Variants in PLCG2 observed in about 807,000 individuals in gnomAD.
PLCG2 encodes 1-phosphatidylinositol 4,5-bisphosphate phosphodiesterase gamma-2.
PLCG2 carries 69 observed loss-of-function variants against 175.6 expected under a neutral mutation model. That is an observed-to-expected ratio of 0.39 (90% CI 0.32 to 0.48). The LOEUF (loss-of-function observed/expected upper bound fraction) is 0.48. PLCG2 is among the 20% of genes least tolerant of loss of function. PLCG2 has a pLI of 0.91. For missense variants in PLCG2, 1,798 were observed against 1,650.9 expected (o/e 1.09, Z -1.54); for synonymous variants, 827 against 624.0 (o/e 1.33, Z -4.85).
chr16:81,925,539 G>A (rs536916790), intron 22 of PLCG2, among the ~76,000 whole-genome samples: 1 of 152,220 alleles, frequency 6.6e-6, no homozygotes, highest in South Asian at 2.1e-4. Flanking sequence ...TGCTTATTCA[G>A]ACCAAAAAAT....
intron 3 of PLCG2, among the ~76,000 whole-genome samples, chr16:81,856,315 A>G (rs1597357113): frequency 6.6e-6 from 1 of 152,186 alleles, no homozygotes. Context: ...TTCATTTTAC[A>G]GGTGAGATGA....
At chr16:81,771,513 C>T (rs1910280962) in intron 2 of PLCG2, among the ~76,000 whole-genome samples, 1 of 152,196 alleles carries the variant, frequency 6.6e-6, no homozygotes, top group Non-Finnish European at 1.5e-5. Context: ...GTCTTCGCAG[C>T]TCCATGAGGC....
In PLCG2 at chr16:81,803,966, C is replaced by T. The variant is rs578027832; in HGVS notation, c.193+17784C>T. ...AGAGTGCTGGGATTACAGGTATGAG[C>T]CACCGTGCCTGGACTCTTTTTGGTT... On this transcript the variant is annotated intron_variant, in intron 2 of 32. Coordinates refer to ENST00000564138, the MANE Select transcript of PLCG2 (RefSeq NM_002661.5). 3.3e-5 allele frequency among the ~76,000 whole-genome samples: 5 copies of T among 152,296 alleles called. No individual in the cohort carries two copies. The South Asian group carries it at 8.3e-4, about 25-fold the overall frequency.
At chr16:81,784,980 A>G (rs565847801) in intron 1 of PLCG2, among the ~76,000 whole-genome samples, 8 of 152,296 alleles carry the variant, frequency 5.3e-5, no homozygotes, top group African/African-American at 1.4e-4. Flanking sequence ...GAGGAGTGAC[A>G]TGATTTGATT....
intron 26 of PLCG2, 74 bp from the exon 27 acceptor site, chr16:81,936,095 G>C: frequency 6.4e-7 from 1 of 1,574,544 alleles, no homozygotes; most frequent in South Asian, 1.2e-5. Flanking sequence ...TGAGCATCCA[G>C]CCATTGCAGC....
At chr16:81,808,257 A>G (rs546394885) in intron 2 of PLCG2, among the ~76,000 whole-genome samples, 2 of 152,126 alleles carry the variant, frequency 1.3e-5, no homozygotes, top group African/African-American at 2.4e-5. Flanking sequence ...ACGGGGCTAC[A>G]CTGTTTTGCA....
intron 2 of PLCG2, among the ~76,000 whole-genome samples, chr16:81,828,678 A>G (rs1415987666): frequency 2.0e-5 from 3 of 152,156 alleles, no homozygotes; most frequent in African/African-American, 7.2e-5. Flanking sequence ...AGCAAGTTAT[A>G]AAAGTCGTCT....
chr16:81,852,399 C>G lies in PLCG2; in HGVS notation c.194-2045C>G, dbSNP rs150241748. Among the ~76,000 whole-genome samples the G allele has an allele frequency of 7.4e-4, 113 of 152,168 alleles. 1 individual carries two copies. The Middle Eastern group carries it at 0.024, about 32-fold the overall frequency. On this transcript the variant is annotated intron_variant, in intron 2 of 32. Coordinates refer to ENST00000564138, the MANE Select transcript of PLCG2 (RefSeq NM_002661.5). ...GGTGGTGGGGGTGAATCAGCTCTAT[C>G]TAAAGCACATGGAATGGGTGCATCC... is the stretch of plus-strand genomic sequence containing the variant.
intron 1 of PLCG2, among the ~76,000 whole-genome samples, chr16:81,745,348 T>C (rs1014935860): frequency 6.6e-6 from 1 of 152,230 alleles, no homozygotes; most frequent in Non-Finnish European, 1.5e-5. Context: ...TTCTGTAAGT[T>C]GCAATATCCC....
intron 2 of PLCG2, among the ~76,000 whole-genome samples, chr16:81,764,489 A>G: frequency 6.6e-6 from 1 of 152,190 alleles, no homozygotes; most frequent in African/African-American, 2.4e-5. Flanking sequence ...GCATCTGAAT[A>G]GATTCACTCT....
intron 22 of PLCG2, among the ~76,000 whole-genome samples, chr16:81,925,583 C>G (rs1296414766): frequency 1.3e-5 from 2 of 152,184 alleles, no homozygotes; most frequent in African/African-American, 4.8e-5. Flanking sequence ...GGAGCACAGA[C>G]TTGATTAAGA....
Position 81,839,779 on chromosome 16 carries a change from G to A in PLCG2, c.194-14665G>A, listed in dbSNP as rs56357446. Among the ~76,000 whole-genome samples, 1,201 of 152,316 alleles carry A rather than the reference G, an allele frequency of 7.9e-3. 20 individuals carry two copies. The highest frequency in any genetic ancestry group is 0.026 in the African/African-American group (1,065 of 41,566). On this transcript the variant is annotated intron_variant, in intron 2 of 32. Transcript: ENST00000564138. Reference sequence around the variant, plus strand: ...AATGATGAACATTTAGGCTGGGCATGGTGGCTCATGCCTGTAATCCCAACA... The same window carrying A: ...AATGATGAACATTTAGGCTGGGCATAGTGGCTCATGCCTGTAATCCCAACA...
intron 31 of PLCG2, among the ~76,000 whole-genome samples, chr16:81,951,261 G>T (rs1216562700): frequency 1.3e-5 from 2 of 152,236 alleles, no homozygotes; most frequent in East Asian, 3.9e-4. Flanking sequence ...ACTGTGTCCA[G>T]CCCTCAAAAG....
chr16:81,784,276 A>G (rs1597316353), intron 1 of PLCG2, among the ~76,000 whole-genome samples: 1 of 152,300 alleles, frequency 6.6e-6, no homozygotes, highest in African/African-American at 2.4e-5. Flanking sequence ...TAGAGTTGAC[A>G]TTTGATTAAT....
chr16:81,775,011 G>A (rs1910368705), upstream of PLCG2, among the ~76,000 whole-genome samples: 1 of 152,096 alleles, frequency 6.6e-6, no homozygotes. Flanking sequence ...CTCCCAAATA[G>A]CTGAGATTAC....
chr16:81,743,689 C>T (rs1909644607), intron 1 of PLCG2, among the ~76,000 whole-genome samples: 1 of 152,190 alleles, frequency 6.6e-6, no homozygotes, highest in Admixed American at 6.5e-5. Context: ...TGCAGCTATG[C>T]AGGGCTCCTG....
chr16:81,771,516 C>T (rs969278074), intron 2 of PLCG2, among the ~76,000 whole-genome samples: 2 of 152,326 alleles, frequency 1.3e-5, no homozygotes, highest in South Asian at 4.1e-4. Flanking sequence ...TTCGCAGCTC[C>T]ATGAGGCAGA....
At chr16:81,816,873 A>G (rs1203037769) in intron 2 of PLCG2, among the ~76,000 whole-genome samples, 1 of 152,000 alleles carries the variant, frequency 6.6e-6, no homozygotes, top group Non-Finnish European at 1.5e-5. Context: ...CGCTGTTATC[A>G]TTAGTGGGAA....
chr16:81,878,042 C>T (rs1241057003), intron 7 of PLCG2, among the ~76,000 whole-genome samples: 5 of 126,686 alleles, frequency 3.9e-5, no homozygotes, highest in African/African-American at 6.0e-5. Flanking sequence ...AGTGTAGTGG[C>T]GCCATCTCGG....
Sources: allele counts gnomAD v4.1 joint callset (sites outside exome capture counted in the v4.1 genomes callset), GRCh38; gene constraint gnomAD v4.1.1; transcripts MANE v1.5; gene names NCBI Gene and HGNC (gene_info 2026-07-23, HGNC 2026-07-21).